The following CDH12 variants were observed in gnomAD, a reference collection of about 807,000 sequenced individuals.
CDH12 encodes the protein cadherin-12.
A neutral mutation model predicts 74.1 loss-of-function variants in CDH12; 41 were observed. The ratio of observed to expected loss-of-function variants is 0.55; its 90% CI spans 0.43 to 0.72. The LOEUF is 0.72. CDH12 is among the 30% of genes least tolerant of loss of function. The pLI is 0.00. For missense variants in CDH12, 945 were observed against 977.2 expected (o/e 0.97, Z 0.44); for synonymous variants, 399 against 355.0 (o/e 1.12, Z -1.39).
intron 3 of CDH12, among the ~76,000 whole-genome samples, chr5:22,253,948 A>G (rs1197023889): frequency 6.6e-6 from 1 of 151,944 alleles, no homozygotes; most frequent in African/African-American, 2.4e-5. Context: ...ATTTACAGAT[A>G]TTTCAGTGTC....
At chr5:22,123,185 T>C (rs1580285983) in intron 4 of CDH12, among the ~76,000 whole-genome samples, 2 of 152,202 alleles carry the variant, frequency 1.3e-5, no homozygotes, top group Non-Finnish European at 2.9e-5. Context: ...AATGCCCTTA[T>C]AGAAGAGAAC....
chr5:22,059,609 T>C (rs1741042973), intron 5 of CDH12, among the ~76,000 whole-genome samples: 1 of 152,116 alleles, frequency 6.6e-6, no homozygotes, highest in Admixed American at 6.6e-5. Context: ...AAAATATCAT[T>C]GCACAATTTT....
At chr5:22,171,493 C>G (rs925213307) in intron 4 of CDH12, among the ~76,000 whole-genome samples, 10 of 151,910 alleles carry the variant, frequency 6.6e-5, no homozygotes, top group African/African-American at 1.7e-4. Context: ...TTTAGACTTT[C>G]CAAATGAGCT....
At chr5:22,439,104 A>G (rs1461092216) in intron 2 of CDH12, among the ~76,000 whole-genome samples, 1 of 151,842 alleles carries the variant, frequency 6.6e-6, no homozygotes, top group African/African-American at 2.4e-5. Context: ...AGGCCAAACA[A>G]AGGGAAATAA....
chr5:22,416,288 G>A (rs1268159275), intron 2 of CDH12, among the ~76,000 whole-genome samples: 1 of 151,492 alleles, frequency 6.6e-6, no homozygotes, highest in Non-Finnish European at 1.5e-5. Context: ...TGTTAGCCAG[G>A]ATGGTCTCGA....
At chr5:22,716,052 G>C (rs371297706) in intron 1 of CDH12, among the ~76,000 whole-genome samples, 1 of 151,946 alleles carries the variant, frequency 6.6e-6, no homozygotes, top group Non-Finnish European at 1.5e-5. Flanking sequence ...CAGGAGAATT[G>C]CTTGAACCTG....
chr5:21,758,689 C>T (rs1561158452), intron 13 of CDH12, among the ~76,000 whole-genome samples: 1 of 151,964 alleles, frequency 6.6e-6, no homozygotes, highest in African/African-American at 2.4e-5. Flanking sequence ...GTAATTGTAG[C>T]AAATGTAGTA....
rs184865433 is a variant in CDH12 at position 22,073,844 on chromosome 5, T to C, written c.231+4602A>G. Among the ~76,000 whole-genome samples the C allele has an allele frequency of 9.9e-5, 15 of 152,222 alleles. No individual in the cohort carries two copies. In the East Asian group the frequency reaches 2.1e-3, roughly 22 times the overall value. On this transcript the variant is annotated intron_variant, in intron 5 of 14. Coordinates refer to ENST00000382254, the MANE Select transcript of CDH12 (RefSeq NM_004061.5). ...ACAAATTTCTACATGAATACATTCT[T>C]TTAGATTTGAATGTAAGAAAACCAA... is the stretch of plus-strand genomic sequence containing the variant.
At chr5:22,074,952 A>G (rs1304106869) in intron 5 of CDH12, among the ~76,000 whole-genome samples, 1 of 152,074 alleles carries the variant, frequency 6.6e-6, no homozygotes, top group African/African-American at 2.4e-5. Context: ...CAGCCATCCC[A>G]TTACTGGGTA....
intron 1 of CDH12, among the ~76,000 whole-genome samples, chr5:22,837,856 G>T (rs1482215170): frequency 6.6e-6 from 1 of 152,172 alleles, no homozygotes; most frequent in East Asian, 1.9e-4. Flanking sequence ...AAGTTAAACA[G>T]TTGAAAGAAG....
intron 3 of CDH12, among the ~76,000 whole-genome samples, chr5:22,384,251 G>A (rs1741891985): frequency 6.6e-6 from 1 of 151,950 alleles, no homozygotes; most frequent in Non-Finnish European, 1.5e-5. Context: ...TTGGCCGGGC[G>A]CGGTGGCTCA....
chr5:21,960,404 A>C (rs1416461246), intron 6 of CDH12, among the ~76,000 whole-genome samples: 1 of 152,130 alleles, frequency 6.6e-6, no homozygotes, highest in Non-Finnish European at 1.5e-5. Context: ...AATGCTTGTG[A>C]GTAGATTCTG....
chr5:22,532,114 T>C (rs569316607), intron 1 of CDH12, among the ~76,000 whole-genome samples: 1 of 151,350 alleles, frequency 6.6e-6, no homozygotes, highest in South Asian at 2.1e-4. Context: ...AAAATAGGAA[T>C]AGGAGAGAAA....
chr5:22,119,403 C>T (rs1745372184), intron 4 of CDH12, among the ~76,000 whole-genome samples: 2 of 150,334 alleles, frequency 1.3e-5, no homozygotes, highest in African/African-American at 2.4e-5. Flanking sequence ...AATTTTCCTG[C>T]TTCAGCCTCC....
intron 4 of CDH12, among the ~76,000 whole-genome samples, chr5:22,113,624 G>A (rs1388798896): frequency 1.3e-5 from 2 of 151,894 alleles, no homozygotes; most frequent in Non-Finnish European, 2.9e-5. Flanking sequence ...ACCAAGCTGC[G>A]CCCCAACCAC....
intron 2 of CDH12, among the ~76,000 whole-genome samples, chr5:22,411,038 C>T: frequency 6.6e-6 from 1 of 151,626 alleles, no homozygotes; most frequent in East Asian, 1.9e-4. Context: ...GATAATTGTA[C>T]TCTACAAAAA....
intron 1 of CDH12, among the ~76,000 whole-genome samples, chr5:22,593,117 T>A (rs1165108575): frequency 6.6e-6 from 1 of 151,750 alleles, no homozygotes; most frequent in East Asian, 1.9e-4. Context: ...GTACTAACCC[T>A]CATTGGTTTA....
chr5:22,826,114 A>G (rs1193457425), intron 1 of CDH12, among the ~76,000 whole-genome samples: 2 of 152,154 alleles, frequency 1.3e-5, no homozygotes, highest in African/African-American at 4.8e-5. Context: ...AGCTGCCATA[A>G]TTCTCATGTA....
intron 12 of CDH12, among the ~76,000 whole-genome samples, chr5:21,761,230 A>G (rs1257975049): frequency 6.6e-6 from 1 of 152,162 alleles, no homozygotes; most frequent in Non-Finnish European, 1.5e-5. Flanking sequence ...TTTAATAAGC[A>G]CTATCATTCC....
Sources: allele counts gnomAD v4.1 joint callset (sites outside exome capture counted in the v4.1 genomes callset), GRCh38; gene constraint gnomAD v4.1.1; transcripts MANE v1.5; gene names NCBI Gene and HGNC (gene_info 2026-07-23, HGNC 2026-07-21).